The following ZNF90 variants were observed in gnomAD, a reference collection of about 807,000 sequenced individuals.
ZNF90 encodes zinc finger protein 90, also known as zinc finger protein HTF9.
Under a neutral mutation model 12.0 loss-of-function variants are expected in ZNF90, and 11 were observed. The ratio of observed to expected loss-of-function variants is 0.92; its 90% CI spans 0.58 to 1.52. The LOEUF (loss-of-function observed/expected upper bound fraction) is 1.52, where lower values mean the gene tolerates loss of function less well. Ranked by LOEUF, ZNF90 falls within the 40% of genes most tolerant of loss-of-function variation. The pLI is 0.00. For missense variants in ZNF90, 765 were observed against 711.5 expected (o/e 1.08, Z -0.86); for synonymous variants, 232 against 240.1 (o/e 0.97, Z 0.31).
chr19:20,078,191 G>T (rs1282168147), intron 1 of ZNF90, 56 bp downstream of exon 1: 2 of 1,611,804 alleles, frequency 1.2e-6, no homozygotes, highest in East Asian at 2.2e-5. Context: ...GGAACCGATG[G>T]GAAGTGGCTG....
At position 20,085,300 on chromosome 19, in the gene ZNF90, CCGAGA is replaced by C. The variant is rs2088850691; in HGVS notation, c.3+7167_3+7171del. On this transcript the variant is annotated intron_variant, in intron 1 of 3. Coordinates refer to ENST00000418063, the MANE Select transcript of ZNF90 (RefSeq NM_007138.2). The stretch of plus-strand genomic sequence containing the variant: ...TTTTAGACGGAGTCTCGCTCTTTGG[CCGAGA>C]CTGGAGTGCAGTGGCCCGATCTCGG... Among the ~76,000 whole-genome samples the C allele has an allele frequency of 6.9e-5, 6 of 86,964 alleles. 1 individual carries two copies. The highest frequency in any genetic ancestry group is 4.2e-4 in the African/African-American group (6 of 14,200). 57.1% of individuals were successfully genotyped at this position (86,964 alleles called of 152,430 possible).
intron 3 of ZNF90, among the ~76,000 whole-genome samples, chr19:20,112,769 G>A (rs183027965): frequency 1.2e-4 from 18 of 151,928 alleles, no homozygotes; most frequent in Non-Finnish European, 2.2e-4. Context: ...TCAAAATTTG[G>A]GAAGTTCTCA....
chr19:20,111,948 TC>T (rs2089093164), intron 3 of ZNF90, among the ~76,000 whole-genome samples: 4 of 151,944 alleles, frequency 2.6e-5, no homozygotes, highest in Admixed American at 2.0e-4. Context: ...AACATCTGCC[TC>T]CCAGGTTCAA....
At chr19:20,088,249 C>T (rs1555702313) in intron 1 of ZNF90, among the ~76,000 whole-genome samples, 1 of 151,252 alleles carries the variant, frequency 6.6e-6, no homozygotes, top group Admixed American at 6.6e-5. Flanking sequence ...TTTCTCAGGG[C>T]TGCTTCAAGC....
At position 20,107,080 on chromosome 19, in the gene ZNF90, C is replaced by T. The variant is rs1009295350; in HGVS notation, c.226+1764C>T. 4.0e-5 allele frequency: 18 copies of T among 445,268 alleles called. No homozygotes were observed. The East Asian group carries it at 8.4e-4, about 21-fold the overall frequency. The allele number at this position is 445,268 out of a possible 1,614,324, so 27.6% of individuals were successfully genotyped here. A position where few individuals can be genotyped will look rare whatever the true frequency, so the allele number is the denominator to read the frequency against. ...TCTGACTGAGTACCAGACAGCATTTCCTCAGGTAACTGTGTGGGTTTCTAT... is the reference window on the plus strand; with the variant it reads ...TCTGACTGAGTACCAGACAGCATTTTCTCAGGTAACTGTGTGGGTTTCTAT... On this transcript the variant is annotated intron_variant, in intron 3 of 3. Coordinates refer to ENST00000418063, the MANE Select transcript of ZNF90 (RefSeq NM_007138.2).
chr19:20,105,032 CAAAAA>C (rs1326020179), intron 2 of ZNF90, among the ~76,000 whole-genome samples, 184 bp from the exon 3 acceptor site: 6 of 151,904 alleles, frequency 3.9e-5, no homozygotes, highest in Admixed American at 6.6e-5. Flanking sequence ...CAAAACAAAA[CAAAAA>C]ACCACACACA....
At chr19:20,081,833 C>T (rs1230252009) in intron 1 of ZNF90, among the ~76,000 whole-genome samples, 2 of 150,628 alleles carry the variant, frequency 1.3e-5, no homozygotes, top group African/African-American at 2.4e-5. Context: ...GGCGAGATCT[C>T]GGCTCACTGC....
chr19:20,087,913 T>TA (rs2088872118), intron 1 of ZNF90, among the ~76,000 whole-genome samples: 1 of 152,064 alleles, frequency 6.6e-6, no homozygotes, highest in Non-Finnish European at 1.5e-5. Context: ...GGGGGTGCTT[T>TA]TTGAGCCAGG....
chr19:20,103,228 G>C (rs2089004421), intron 1 of ZNF90, among the ~76,000 whole-genome samples: 1 of 152,290 alleles, frequency 6.6e-6, no homozygotes, highest in East Asian at 1.9e-4. Flanking sequence ...GAGGTCGAAA[G>C]GACAGGCACA....
At chr19:20,086,809 T>C (rs982524731) in intron 1 of ZNF90, among the ~76,000 whole-genome samples, 15 of 152,252 alleles carry the variant, frequency 9.9e-5, no homozygotes, top group Non-Finnish European at 1.8e-4. Flanking sequence ...TAGTGTGACA[T>C]GTTTATTACT....
intron 3 of ZNF90, among the ~76,000 whole-genome samples, chr19:20,110,159 C>T (rs2089074496): frequency 1.3e-5 from 2 of 152,062 alleles, no homozygotes; most frequent in South Asian, 4.1e-4. Flanking sequence ...GTATATGTTA[C>T]TTTTTTTGAT....
chr19:20,103,024 C>T (rs1187567381), intron 1 of ZNF90, among the ~76,000 whole-genome samples: 3 of 152,090 alleles, frequency 2.0e-5, no homozygotes, highest in Admixed American at 6.5e-5. Flanking sequence ...GGTGGCCAGA[C>T]CAAACACCAG....
chr19:20,096,047 T>C (rs1436822798), intron 1 of ZNF90, among the ~76,000 whole-genome samples: 7 of 152,076 alleles, frequency 4.6e-5, no homozygotes, highest in Non-Finnish European at 2.9e-5. Context: ...ATAAAACGTG[T>C]CTCCTTTGTC....
In ZNF90 at chr19:20,119,337, G is replaced by C; in HGVS notation, c.1783G>C (p.Val595Leu). ...RIHIGQKAYI[V>L]KNMANL ...TCATATTGGACAGAAAGCCTACATAGTGAAGAACATGGCAAATCTTTGAAA... is the reference window on the plus strand; with the variant it reads ...TCATATTGGACAGAAAGCCTACATACTGAAGAACATGGCAAATCTTTGAAA... The change falls in exon 4 of 4, where the codon GTG becomes CTG. Residue 595 changes from valine (V) to leucine (L), a missense_variant. Physicochemically the swap from Val to Leu is conservative, Grantham distance 32 (BLOSUM62 1). Transcript: ENST00000418063. 1.3e-6 allele frequency: 2 copies of C among 1,594,670 alleles called. No homozygotes were observed. Among genetic ancestry groups the C allele is most frequent in the Non-Finnish European group, 1.7e-6 (2 of 1,170,426 alleles).
chr19:20,108,142 G>GT (rs11373700), intron 3 of ZNF90, among the ~76,000 whole-genome samples: 41,907 of 151,968 alleles, frequency 0.28, 6,330 homozygotes, highest in East Asian at 0.48. Context: ...AACAAATCTA[G>GT]TTTTAAATGC....
chr19:20,118,448 G>C lies in ZNF90; in HGVS notation c.894G>C (p.Ser298=). 1 of 1,599,920 alleles carries C rather than the reference G, an allele frequency of 6.3e-7. No individual in the cohort carries two copies. Among genetic ancestry groups the C allele is most frequent in the African/African-American group, 1.4e-5 (1 of 70,774 alleles). The change falls in exon 4 of 4, where the codon TCG becomes TCC. Residue 298 remains serine (S), a synonymous_variant. Transcript: ENST00000418063. The stretch of plus-strand genomic sequence containing the variant: ...GTGGCAGAGCATTTATTTCATCCTC[G>C]ATCCTTTATGTACATAAGATAAGTC... ...DKCGRAFISS[S]ILYVHKISHT...
At chr19:20,083,321 TTTTTGTTTTTTG>T (rs1418063148) in intron 1 of ZNF90, among the ~76,000 whole-genome samples, 4 of 152,104 alleles carry the variant, frequency 2.6e-5, no homozygotes, top group South Asian at 2.1e-4. Flanking sequence ...TTTTCTTTTT[TTTTTGTTTTTTG>T]TTTTGTTTTT....
chr19:20,096,865 T>G (rs1486929160), intron 1 of ZNF90, among the ~76,000 whole-genome samples: 1 of 152,204 alleles, frequency 6.6e-6, no homozygotes, highest in Non-Finnish European at 1.5e-5. Flanking sequence ...GCCAAAATGA[T>G]AGAACCCTAT....
chr19:20,087,029 G>A (rs1555702164), intron 1 of ZNF90: 3 of 152,212 alleles, frequency 2.0e-5, no homozygotes, highest in Non-Finnish European at 2.9e-5. Context: ...AGTGTTGCTT[G>A]AAGTTGTCAG....
Sources: gnomAD v4.1 joint callset for allele counts (sites outside exome capture counted in the v4.1 genomes callset) on GRCh38, gnomAD v4.1.1 for gene constraint, MANE v1.5 for transcripts, NCBI Gene and HGNC (gene_info 2026-07-23, HGNC 2026-07-21) for gene names.